The following DGLUCY variants were observed in gnomAD, a reference collection of about 807,000 sequenced individuals.
DGLUCY encodes the protein D-glutamate cyclase.
DGLUCY carries 58 observed loss-of-function variants against 58.5 expected under a neutral mutation model. The ratio of observed to expected loss-of-function variants is 0.99; its 90% CI spans 0.80 to 1.23. The LOEUF (loss-of-function observed/expected upper bound fraction) is 1.23. Ranked by LOEUF, DGLUCY falls within the 50% of genes most tolerant of loss-of-function variation. The probability of loss-of-function intolerance (pLI) is 0.00; values close to 1 mark genes in which losing one functional copy is unlikely to be tolerated. For synonymous variants in DGLUCY, 325 were observed against 314.1 expected, an observed-to-expected ratio of 1.03 and a Z score of -0.37; for missense variants, 779 against 784.7, an observed-to-expected ratio of 0.99 and a Z score of 0.09.
intron 5 of DGLUCY, among the ~76,000 whole-genome samples, chr14:91,171,355 G>A (rs555108874): frequency 7.1e-4 from 108 of 152,352 alleles, no homozygotes; most frequent in Middle Eastern, 6.8e-3. Flanking sequence ...AAAGGTGCAA[G>A]TAAGTGTCCA....
At chr14:91,112,828 G>C (rs1763673028), upstream of DGLUCY, among the ~76,000 whole-genome samples, 1 of 151,658 alleles carries the variant, frequency 6.6e-6, no homozygotes, top group Admixed American at 6.6e-5. Context: ...CACCATCCTG[G>C]CTAACACGGT....
upstream of DGLUCY, among the ~76,000 whole-genome samples, chr14:91,109,127 T>C (rs191175766): frequency 4.7e-4 from 72 of 152,316 alleles, no homozygotes; most frequent in African/African-American, 1.7e-3. Flanking sequence ...TCTGTTTTTA[T>C]TATGACTGAT....
At chr14:91,159,924 G>T (rs1405523682) in intron 2 of DGLUCY, among the ~76,000 whole-genome samples, 1 of 152,162 alleles carries the variant, frequency 6.6e-6, no homozygotes, top group Non-Finnish European at 1.5e-5. Context: ...TCAGAGTCAA[G>T]TAGAATAATA....
chr14:91,162,706 G>A (rs573779119), intron 3 of DGLUCY, among the ~76,000 whole-genome samples: 82 of 152,176 alleles, frequency 5.4e-4, no homozygotes, highest in African/African-American at 1.3e-3. Flanking sequence ...AGACCAGCCC[G>A]GCCAACATGG....
In DGLUCY at chr14:91,166,388, G is replaced by T. The variant is rs143808666; in HGVS notation, c.104-837G>T. ...TTCAATCAAAATTTACATTAGGCCA[G>T]TTGCGGTGGCTCACGCCTGTAAGCC... On this transcript the variant is annotated intron_variant, in intron 3 of 13. Coordinates refer to ENST00000256324, the MANE Select transcript of DGLUCY (RefSeq NM_001102368.3). Among the ~76,000 whole-genome samples the T allele has an allele frequency of 6.2e-4, 94 of 152,310 alleles. 1 individual carries two copies. The East Asian group carries it at 0.017, about 27-fold the overall frequency.
intron 12 of DGLUCY, among the ~76,000 whole-genome samples, chr14:91,210,952 T>C (rs914966197): frequency 6.6e-6 from 1 of 151,328 alleles, no homozygotes; most frequent in African/African-American, 2.4e-5. Flanking sequence ...CATGATTGTC[T>C]GTGTAGAAAA....
At chr14:91,188,798 C>T (rs2049685879) in intron 8 of DGLUCY, 112 bp from the exon 9 acceptor site, 2 of 1,259,822 alleles carry the variant, frequency 1.6e-6, no homozygotes, top group East Asian at 5.1e-5. Flanking sequence ...CACTGCCTTC[C>T]AGCCTGGATG....
chr14:91,193,088 C>T lies in DGLUCY; in HGVS notation c.1196-3287C>T, dbSNP rs191737407. On this transcript the variant is annotated intron_variant, in intron 9 of 13. Coordinates refer to ENST00000256324, the MANE Select transcript of DGLUCY (RefSeq NM_001102368.3). ...AGGCAGAGCAAAGGACCCAGGATTG[C>T]GTCCTGGGTCTCCCTGTGTTAAGAG... 2.6e-5 allele frequency among the ~76,000 whole-genome samples: 4 copies of T among 152,178 alleles called. No homozygotes were observed. In the East Asian group the frequency reaches 5.8e-4, roughly 22 times the overall value.
intron 1 of DGLUCY, among the ~76,000 whole-genome samples, chr14:91,157,337 A>G (rs1186147692): frequency 6.6e-6 from 1 of 151,978 alleles, no homozygotes; most frequent in Non-Finnish European, 1.5e-5. Context: ...ATGGATACAT[A>G]CATAGATTCA....
intron 10 of DGLUCY, 112 bp downstream of exon 10, chr14:91,196,586 T>C: frequency 1.2e-6 from 1 of 854,900 alleles, no homozygotes; most frequent in Non-Finnish European, 1.9e-6. Context: ...AGCGAAGCCA[T>C]GAGCCAAGGA....
intron 9 of DGLUCY, among the ~76,000 whole-genome samples, chr14:91,192,846 G>A (rs2049981748): frequency 6.6e-6 from 1 of 152,100 alleles, no homozygotes; most frequent in Admixed American, 6.6e-5. Context: ...ATTTTGTGTT[G>A]CACGTATTTT....
chr14:91,133,111 T>G (rs1452821225), intron 1 of DGLUCY, among the ~76,000 whole-genome samples: 1 of 151,930 alleles, frequency 6.6e-6, no homozygotes, highest in Non-Finnish European at 1.5e-5. Flanking sequence ...CTGGCCAACA[T>G]GGTGAAACCC....
At chr14:91,156,025 A>C (rs1196730713) in intron 1 of DGLUCY, among the ~76,000 whole-genome samples, 1 of 152,070 alleles carries the variant, frequency 6.6e-6, no homozygotes, top group Non-Finnish European at 1.5e-5. Flanking sequence ...GAACATGGGC[A>C]TGTCGGTTAA....
chr14:91,190,057 G>T (rs955300062), intron 9 of DGLUCY, among the ~76,000 whole-genome samples: 2 of 141,106 alleles, frequency 1.4e-5, no homozygotes, highest in South Asian at 2.2e-4. Flanking sequence ...GCGCGATCTC[G>T]GCTCACTGCA....
At chr14:91,128,534 TC>T (rs2045856185) in intron 1 of DGLUCY, among the ~76,000 whole-genome samples, 1 of 151,630 alleles carries the variant, frequency 6.6e-6, no homozygotes, top group Admixed American at 6.6e-5. Flanking sequence ...AAAAGAAAGA[TC>T]CAGAAAGGGG....
chr14:91,081,609 T>C (rs2140047786), intron 1 of DGLUCY, among the ~76,000 whole-genome samples: 1 of 152,300 alleles, frequency 6.6e-6, no homozygotes, highest in African/African-American at 2.4e-5. Context: ...ATTTGGAAGC[T>C]CTAGGGGAGA....
intron 13 of DGLUCY, among the ~76,000 whole-genome samples, chr14:91,221,933 C>T (rs558905340): frequency 2.0e-5 from 3 of 152,160 alleles, no homozygotes; most frequent in African/African-American, 4.8e-5. Flanking sequence ...ACCTGCCCAC[C>T]GTGCTCCCAG....
chr14:91,165,666 G>A (rs7146778), intron 3 of DGLUCY, among the ~76,000 whole-genome samples: 18,289 of 152,206 alleles, frequency 0.12, 2,502 homozygotes, highest in African/African-American at 0.33. Flanking sequence ...ATGCAAATTA[G>A]AACCACAAGG....
chr14:91,060,422 C>G (rs762845963), exon 1 of DGLUCY: 2 of 1,496,324 alleles, frequency 1.3e-6, no homozygotes, highest in Non-Finnish European at 1.8e-6. Context: ...CTGCTGCCAC[C>G]CTCCTCCTCC....
Sources: allele counts gnomAD v4.1 joint callset (sites outside exome capture counted in the v4.1 genomes callset), GRCh38; gene constraint gnomAD v4.1.1; transcripts MANE v1.5; gene names NCBI Gene and HGNC (gene_info 2026-07-23, HGNC 2026-07-21).